The following RNF220 variants were observed in gnomAD, a reference collection of about 807,000 sequenced individuals.
The protein encoded by RNF220 is ring finger protein 220.
RNF220 carries 7 observed loss-of-function variants against 67.1 expected under a neutral mutation model. The ratio of observed to expected loss-of-function variants is 0.10; its 90% CI spans 0.06 to 0.20. RNF220 has a LOEUF of 0.20. Ranked by LOEUF, RNF220 falls within the 10% of genes least tolerant of loss-of-function variation. The probability of loss-of-function intolerance (pLI) is 1.00; values close to 1 mark genes in which losing one functional copy is unlikely to be tolerated. For missense variants in RNF220, 565 were observed against 740.3 expected (o/e 0.76, Z 2.75); for synonymous variants, 270 against 283.2 (o/e 0.95, Z 0.47).
At chr1:44,598,521 T>G (rs1274513002) in intron 2 of RNF220, among the ~76,000 whole-genome samples, 6 of 152,060 alleles carry the variant, frequency 3.9e-5, no homozygotes, top group African/African-American at 1.4e-4. Flanking sequence ...AGAGCTTTCT[T>G]GGGTAGGGAA....
Position 44,407,424 on chromosome 1 carries a change from G to A in RNF220, c.-118+1894G>A, listed in dbSNP as rs978325402. The stretch of plus-strand genomic sequence containing the variant: ...TTCCTGCAAAGGGGAATGAGCAGAG[G>A]GGGGAAAGGCAGAAAGAGCGTCGAG... On this transcript the variant is annotated intron_variant, in intron 1 of 14. Transcript: ENST00000361799. Among the ~76,000 whole-genome samples, 5 of 152,334 alleles carry A rather than the reference G, an allele frequency of 3.3e-5. No individual in the cohort carries two copies. The East Asian group carries it at 5.8e-4, about 18-fold the overall frequency.
intron 2 of RNF220, among the ~76,000 whole-genome samples, chr1:44,422,745 C>A (rs145753125): frequency 6.6e-6 from 1 of 152,108 alleles, no homozygotes; most frequent in Non-Finnish European, 1.5e-5. Context: ...CATCTTTGAT[C>A]GTGGGAAGTG....
chr1:44,540,409 A>C (rs948031458), intron 2 of RNF220, among the ~76,000 whole-genome samples: 1 of 152,216 alleles, frequency 6.6e-6, no homozygotes, highest in African/African-American at 2.4e-5. Flanking sequence ...ACTGTACCAC[A>C]CATCACCCCC....
At chr1:44,616,804 G>A (rs1198923248) in intron 3 of RNF220, among the ~76,000 whole-genome samples, 1 of 152,134 alleles carries the variant, frequency 6.6e-6, no homozygotes, top group African/African-American at 2.4e-5. Flanking sequence ...TGCCCCCTAA[G>A]GGCCTGGAGA....
intron 5 of RNF220, among the ~76,000 whole-genome samples, chr1:44,631,260 G>C (rs955261958): frequency 2.0e-5 from 3 of 152,262 alleles, no homozygotes; most frequent in Non-Finnish European, 4.4e-5. Flanking sequence ...CTATTTTTCA[G>C]TTAGACCTGG....
At chr1:44,609,679 G>A (rs752134018) in intron 2 of RNF220, among the ~76,000 whole-genome samples, 5 of 152,192 alleles carry the variant, frequency 3.3e-5, no homozygotes, top group African/African-American at 1.2e-4. Flanking sequence ...GCCTTGTTTC[G>A]AGGCGAGAGG....
chr1:44,508,488 C>T (rs981493268), intron 2 of RNF220, among the ~76,000 whole-genome samples: 8 of 152,224 alleles, frequency 5.3e-5, no homozygotes, highest in Non-Finnish European at 1.2e-4. Flanking sequence ...AGTTTCCGCT[C>T]TTGGGCTGGG....
intron 1 of RNF220, among the ~76,000 whole-genome samples, chr1:44,409,716 ATT>A (rs1285987549): frequency 1.3e-5 from 2 of 152,122 alleles, no homozygotes; most frequent in Non-Finnish European, 2.9e-5. Flanking sequence ...TACAATCCAT[ATT>A]TTTTTAATTA....
At chr1:44,444,393 G>C (rs1651868211) in intron 2 of RNF220, among the ~76,000 whole-genome samples, 1 of 151,946 alleles carries the variant, frequency 6.6e-6, no homozygotes, top group African/African-American at 2.4e-5. Context: ...CATGTAGTTA[G>C]AGTTCTTTCA....
intron 2 of RNF220, among the ~76,000 whole-genome samples, chr1:44,517,215 C>T (rs1279513455): frequency 1.3e-5 from 2 of 152,162 alleles, no homozygotes; most frequent in South Asian, 2.1e-4. Context: ...AGCCTCTCCA[C>T]CTGGCAGCTA....
At chr1:44,439,507 C>A (rs1651339902) in intron 2 of RNF220, among the ~76,000 whole-genome samples, 1 of 150,476 alleles carries the variant, frequency 6.6e-6, no homozygotes, top group Non-Finnish European at 1.5e-5. Context: ...GGTGGTGGAG[C>A]TTTTTGTTGT....
At chr1:44,647,265 A>G (rs1051756508) in intron 12 of RNF220, among the ~76,000 whole-genome samples, 2 of 152,182 alleles carry the variant, frequency 1.3e-5, no homozygotes, top group African/African-American at 4.8e-5. Context: ...CATCTTTGAC[A>G]TAACTATATA....
rs3754422 is a variant in RNF220 at position 44,637,978 on chromosome 1, G to A, written c.1126+1816G>A. Among the ~76,000 whole-genome samples, 689 of 152,358 alleles carry A rather than the reference G, an allele frequency of 4.5e-3. 25 individuals carry two copies. The East Asian group carries it at 0.091, about 20-fold the overall frequency. ...CAGACTTGAAAGGCTGTTTTACAGC[G>A]AGATCAGCGGGGGCCACGAGGCAGA... On this transcript the variant is annotated intron_variant, in intron 8 of 14. Coordinates refer to ENST00000361799, the MANE Select transcript of RNF220 (RefSeq NM_018150.4).
intron 2 of RNF220, among the ~76,000 whole-genome samples, chr1:44,470,171 G>A (rs1334373941): frequency 6.6e-6 from 1 of 152,232 alleles, no homozygotes. Flanking sequence ...ACATAAGTGA[G>A]AGATGTTAGG....
intron 8 of RNF220, among the ~76,000 whole-genome samples, chr1:44,642,206 G>C (rs943924533): frequency 1.3e-5 from 2 of 152,244 alleles, no homozygotes; most frequent in African/African-American, 4.8e-5. Flanking sequence ...ACAGGATTCT[G>C]GGTGGACACC....
At chr1:44,434,136 C>T (rs1466193090) in intron 2 of RNF220, among the ~76,000 whole-genome samples, 1 of 151,740 alleles carries the variant, frequency 6.6e-6, no homozygotes, top group Non-Finnish European at 1.5e-5. Flanking sequence ...AATTGGAATG[C>T]CCTTGGAATG....
At chr1:44,486,734 G>C (rs1656342362) in intron 2 of RNF220, among the ~76,000 whole-genome samples, 1 of 152,158 alleles carries the variant, frequency 6.6e-6, no homozygotes, top group Admixed American at 6.5e-5. Context: ...CTAAGAGTGG[G>C]CTGGGAAGCT....
chr1:44,455,344 T>C (rs1028520039), intron 2 of RNF220, among the ~76,000 whole-genome samples: 1 of 151,296 alleles, frequency 6.6e-6, no homozygotes, highest in Non-Finnish European at 1.5e-5. Flanking sequence ...AGGAGAAAAA[T>C]AAGAAAGAGG....
chr1:44,507,973 TCGGGACAGACAGTCC>T (rs1658595020), intron 2 of RNF220, among the ~76,000 whole-genome samples: 1 of 152,082 alleles, frequency 6.6e-6, no homozygotes, highest in Non-Finnish European at 1.5e-5. Flanking sequence ...GGAGATGGGC[TCGGGACAGACAGTCC>T]TGGGGGAGCC....
Sources: gnomAD v4.1 joint callset for allele counts (sites outside exome capture counted in the v4.1 genomes callset) on GRCh38, gnomAD v4.1.1 for gene constraint, MANE v1.5 for transcripts, NCBI Gene and HGNC (gene_info 2026-07-23, HGNC 2026-07-21) for gene names.